KATNAL1: variants seen among roughly 807,000 people sequenced by gnomAD.
KATNAL1 encodes katanin catalytic subunit A1 like 1.
KATNAL1 carries 32 observed loss-of-function variants against 55.2 expected under a neutral mutation model. The ratio of observed to expected loss-of-function variants is 0.58; its 90% CI spans 0.44 to 0.78. The LOEUF (loss-of-function observed/expected upper bound fraction) is 0.78. Ranked by LOEUF, KATNAL1 falls within the 30% of genes least tolerant of loss-of-function variation. The pLI, the probability that KATNAL1 is intolerant of heterozygous loss-of-function variation, is 0.00. For synonymous variants in KATNAL1, 193 were observed against 193.6 expected (o/e 1.00, Z 0.02); for missense variants, 466 against 600.9 (o/e 0.78, Z 2.35).
intron 1 of KATNAL1, among the ~76,000 whole-genome samples, chr13:30,290,656 T>G (rs1424740893): frequency 1.3e-5 from 2 of 152,094 alleles, no homozygotes; most frequent in African/African-American, 4.8e-5. Context: ...AATTACAATA[T>G]CAATATCCCT....
chr13:30,262,736 C>T (rs1206933231), intron 3 of KATNAL1, among the ~76,000 whole-genome samples: 2 of 151,526 alleles, frequency 1.3e-5, no homozygotes, highest in African/African-American at 2.4e-5. Flanking sequence ...AATAGCTTAC[C>T]AACCAAAAAG....
intron 3 of KATNAL1, among the ~76,000 whole-genome samples, chr13:30,257,006 G>T (rs1295973140): frequency 6.6e-6 from 1 of 152,200 alleles, no homozygotes; most frequent in Non-Finnish European, 1.5e-5. Flanking sequence ...TAATGGCTAT[G>T]AGGCATTTTA....
intron 3 of KATNAL1, among the ~76,000 whole-genome samples, chr13:30,259,276 G>A (rs1231309114): frequency 2.0e-5 from 3 of 152,024 alleles, no homozygotes; most frequent in Admixed American, 1.3e-4. Context: ...AGAGGCAAAG[G>A]TTGCAGTGAG....
intron 6 of KATNAL1, among the ~76,000 whole-genome samples, chr13:30,235,690 G>C (rs1876585174): frequency 6.6e-6 from 1 of 152,228 alleles, no homozygotes; most frequent in Non-Finnish European, 1.5e-5. Flanking sequence ...CATCCTTCTA[G>C]ATCTCGCCCT....
chr13:30,264,006 T>C (rs1277223845), intron 3 of KATNAL1, among the ~76,000 whole-genome samples: 2 of 148,186 alleles, frequency 1.3e-5, no homozygotes, highest in Non-Finnish European at 3.0e-5. Flanking sequence ...CAAAACAGCA[T>C]GGTACTGGTA....
chr13:30,262,899 G>A (rs937174531), intron 3 of KATNAL1, among the ~76,000 whole-genome samples: 4 of 151,912 alleles, frequency 2.6e-5, no homozygotes, highest in South Asian at 2.1e-4. Flanking sequence ...TACCAAAGCC[G>A]GGCAGAGACA....
chr13:30,265,220 T>C (rs1879651537), intron 3 of KATNAL1, among the ~76,000 whole-genome samples: 1 of 149,506 alleles, frequency 6.7e-6, no homozygotes, highest in Non-Finnish European at 1.5e-5. Context: ...CTGGGGACTG[T>C]TGTGGGGTGG....
chr13:30,227,622 T>C, intron 8 of KATNAL1, 76 bp from the exon 9 acceptor site: 3 of 1,505,288 alleles, frequency 2.0e-6, no homozygotes, highest in Admixed American at 1.9e-5. Context: ...ACATTTCTTT[T>C]AGCCAAAGTG....
intron 2 of KATNAL1, among the ~76,000 whole-genome samples, chr13:30,282,888 G>A (rs529813189): frequency 0.02 from 2,967 of 149,484 alleles, 36 homozygotes; most frequent in Non-Finnish European, 0.032. Context: ...CCGGGAGGTG[G>A]AGCTTACAGT....
At chr13:30,296,434 G>A in intron 1 of KATNAL1, 3 of 852,718 alleles carry the variant, frequency 3.5e-6, no homozygotes, top group Non-Finnish European at 6.0e-6. Context: ...AGGGAGGCTT[G>A]GGCCCCCTGA....
chr13:30,223,622 T>A (rs1045575606), intron 9 of KATNAL1, among the ~76,000 whole-genome samples: 17 of 152,050 alleles, frequency 1.1e-4, no homozygotes, highest in Admixed American at 1.1e-3. Context: ...TACAGAGGCA[T>A]TGCATAATGG....
chr13:30,240,311 C>T, intron 6 of KATNAL1, 149 bp downstream of exon 6: 2 of 592,890 alleles, frequency 3.4e-6, no homozygotes, highest in South Asian at 2.2e-5. Context: ...ATCACAACTA[C>T]AAATTCAAAT....
intron 1 of KATNAL1, among the ~76,000 whole-genome samples, chr13:30,302,554 A>G (rs1474573121): frequency 1.3e-5 from 2 of 152,238 alleles, no homozygotes; most frequent in Non-Finnish European, 2.9e-5. Flanking sequence ...TGACATATAA[A>G]GACACTCACA....
chr13:30,293,229 C>T (rs149358672), intron 1 of KATNAL1, among the ~76,000 whole-genome samples: 1 of 152,192 alleles, frequency 6.6e-6, no homozygotes, highest in East Asian at 1.9e-4. Flanking sequence ...CTTTTTTCCA[C>T]CTCTCTGTCC....
intron 9 of KATNAL1, among the ~76,000 whole-genome samples, chr13:30,214,736 C>T (rs1043681299): frequency 6.6e-6 from 1 of 151,924 alleles, no homozygotes; most frequent in South Asian, 2.1e-4. Flanking sequence ...AAAGCTGAAA[C>T]TGGATCCCTT....
intron 9 of KATNAL1, among the ~76,000 whole-genome samples, chr13:30,211,273 T>G (rs1048516211): frequency 6.6e-6 from 1 of 152,210 alleles, no homozygotes; most frequent in African/African-American, 2.4e-5. Flanking sequence ...GATTCACCAA[T>G]TGCTAACATT....
chr13:30,298,147 TTG>T (rs1882639209), intron 1 of KATNAL1, among the ~76,000 whole-genome samples: 1 of 152,216 alleles, frequency 6.6e-6, no homozygotes, highest in Non-Finnish European at 1.5e-5. Flanking sequence ...ACCAGAAAAT[TTG>T]TGTGACTAGC....
intron 9 of KATNAL1, among the ~76,000 whole-genome samples, chr13:30,210,956 T>C (rs1218918244): frequency 6.6e-6 from 1 of 152,214 alleles, no homozygotes; most frequent in South Asian, 2.1e-4. Context: ...AGCTCATTAA[T>C]GTATTTTTTA....
intron 4 of KATNAL1, among the ~76,000 whole-genome samples, chr13:30,243,005 T>A (rs1877427139): frequency 6.6e-6 from 1 of 152,164 alleles, no homozygotes; most frequent in Non-Finnish European, 1.5e-5. Context: ...AACTATTAGT[T>A]AAAGGAAATA....
Sources: gnomAD v4.1 joint callset for allele counts (sites outside exome capture counted in the v4.1 genomes callset) on GRCh38, gnomAD v4.1.1 for gene constraint, MANE v1.5 for transcripts, NCBI Gene and HGNC (gene_info 2026-07-23, HGNC 2026-07-21) for gene names.